ATP8B4: variants seen among roughly 807,000 people sequenced by gnomAD.
ATP8B4 encodes the protein probable phospholipid-transporting ATPase IM.
In ATP8B4, 133 loss-of-function variants were observed where a neutral mutation model predicts 145.6. That is an observed-to-expected ratio of 0.91 (90% CI 0.79 to 1.05). The LOEUF (loss-of-function observed/expected upper bound fraction) is 1.05. ATP8B4 is among the 50% of genes least tolerant of loss of function. The pLI is 0.00. For missense variants in ATP8B4, 1,458 were observed against 1,425.2 expected (o/e 1.02, Z -0.37); for synonymous variants, 507 against 492.9 (o/e 1.03, Z -0.38).
chr15:50,054,886 T>C (rs2052489328), intron 3 of ATP8B4, among the ~76,000 whole-genome samples: 1 of 151,606 alleles, frequency 6.6e-6, no homozygotes, highest in Non-Finnish European at 1.5e-5. Context: ...CTTTGACTAT[T>C]TCCTCTCCCC....
chr15:49,921,594 C>G (rs1466204416), intron 17 of ATP8B4, among the ~76,000 whole-genome samples: 1 of 152,176 alleles, frequency 6.6e-6, no homozygotes, highest in Admixed American at 6.5e-5. Context: ...ATTTTTATGG[C>G]CATTTCTGCT....
At chr15:50,151,148 G>C (rs868313237) in intron 1 of ATP8B4, among the ~76,000 whole-genome samples, 2 of 152,236 alleles carry the variant, frequency 1.3e-5, no homozygotes, top group African/African-American at 4.8e-5. Context: ...GCAATTCCAT[G>C]AAAGAAAGTT....
intron 2 of ATP8B4, among the ~76,000 whole-genome samples, chr15:50,088,904 A>G (rs1445814736): frequency 6.6e-6 from 1 of 152,212 alleles, no homozygotes; most frequent in African/African-American, 2.4e-5. Context: ...TTTCTCAAAG[A>G]TCAGATGGTT....
intron 2 of ATP8B4, among the ~76,000 whole-genome samples, chr15:50,080,549 A>G (rs1461259567): frequency 6.6e-6 from 1 of 152,158 alleles, no homozygotes; most frequent in Non-Finnish European, 1.5e-5. Flanking sequence ...TCAGATCACT[A>G]AGAAACAAGT....
intron 9 of ATP8B4, among the ~76,000 whole-genome samples, chr15:49,995,319 A>G (rs931634497): frequency 6.6e-6 from 1 of 152,196 alleles, no homozygotes; most frequent in African/African-American, 2.4e-5. Flanking sequence ...TGAATATTCA[A>G]TGAGGTATTT....
At chr15:49,927,506 C>A (rs111662728) in intron 16 of ATP8B4, among the ~76,000 whole-genome samples, 2 of 152,166 alleles carry the variant, frequency 1.3e-5, no homozygotes, top group African/African-American at 4.8e-5. Context: ...TGATTAAAAA[C>A]CAAGCAGAAT....
intron 1 of ATP8B4, among the ~76,000 whole-genome samples, chr15:50,135,211 T>C (rs1959038561): frequency 6.6e-6 from 1 of 152,230 alleles, no homozygotes; most frequent in Admixed American, 6.5e-5. Flanking sequence ...ACATCATTCA[T>C]CTCTAAACTT....
intron 1 of ATP8B4, among the ~76,000 whole-genome samples, chr15:50,115,381 G>A (rs78877993): frequency 0.018 from 2,736 of 151,964 alleles, 84 homozygotes; most frequent in African/African-American, 0.063. Context: ...GATGAGTGCA[G>A]GGCTATGGTA....
chr15:50,087,301 C>A (rs1316914662), intron 2 of ATP8B4, among the ~76,000 whole-genome samples: 5 of 117,482 alleles, frequency 4.3e-5, no homozygotes, highest in Non-Finnish European at 6.5e-5. Flanking sequence ...AGATCTATAT[C>A]TATTATATAT....
chr15:50,099,643 A>G (rs947715073), intron 2 of ATP8B4, among the ~76,000 whole-genome samples: 1 of 152,248 alleles, frequency 6.6e-6, no homozygotes, highest in African/African-American at 2.4e-5. Context: ...GAAAGAGTGA[A>G]TTTCAAAGAA....
At chr15:49,990,150 A>C (rs1310992618) in intron 9 of ATP8B4, among the ~76,000 whole-genome samples, 2 of 152,090 alleles carry the variant, frequency 1.3e-5, no homozygotes, top group Non-Finnish European at 2.9e-5. Context: ...GAGAGTACTG[A>C]AAAAAGGTGA....
chr15:49,940,420 G>A (rs1437077431), intron 14 of ATP8B4, among the ~76,000 whole-genome samples: 1 of 152,102 alleles, frequency 6.6e-6, no homozygotes, highest in Non-Finnish European at 1.5e-5. Flanking sequence ...AGTGGGGTAA[G>A]GGTTGAAGAA....
chr15:50,112,406 T>C (rs1021348543), intron 1 of ATP8B4, among the ~76,000 whole-genome samples: 1 of 152,032 alleles, frequency 6.6e-6, no homozygotes, highest in Non-Finnish European at 1.5e-5. Context: ...TGCTCTCCAG[T>C]TCTCTGAAGA....
chr15:50,002,213 A>G lies in ATP8B4; in HGVS notation c.446T>C (p.Leu149Pro). 1 of 1,609,994 alleles carries G rather than the reference A, an allele frequency of 6.2e-7. No homozygotes were observed. Among genetic ancestry groups the G allele is most frequent in the Non-Finnish European group, 8.5e-7 (1 of 1,177,112 alleles). Reference protein sequence around the residue: ...ENNQFVAADLLLLSSSEPHGL... With the variant: ...ENNQFVAADLPLLSSSEPHGL... The stretch of plus-strand genomic sequence containing the variant: ...ATGTGGCTCACTACTTGATAGGAGA[A>G]GTAAATCAGCCTATTTTCAAAAATC... Residue 149 changes from leucine to proline, a missense_variant, in exon 8 of 28, where the codon CTT (leucine) becomes CCT (proline). Coordinates refer to ENST00000284509, the MANE Select transcript of ATP8B4 (RefSeq NM_024837.4).
intron 3 of ATP8B4, among the ~76,000 whole-genome samples, chr15:50,069,650 T>C (rs2053598153): frequency 6.6e-6 from 1 of 152,158 alleles, no homozygotes; most frequent in Non-Finnish European, 1.5e-5. Context: ...AAAGGCAAAG[T>C]GATTAGGGTT....
At chr15:50,163,546 G>A (rs984255272) in intron 1 of ATP8B4, among the ~76,000 whole-genome samples, 1 of 152,204 alleles carries the variant, frequency 6.6e-6, no homozygotes, top group Non-Finnish European at 1.5e-5. Context: ...GCACCCCAGT[G>A]GCCACCACCA....
intron 9 of ATP8B4, among the ~76,000 whole-genome samples, chr15:49,992,935 AG>A (rs2047149629): frequency 6.6e-6 from 1 of 152,158 alleles, no homozygotes; most frequent in South Asian, 2.1e-4. Flanking sequence ...TTTAAACTAA[AG>A]GATGCAATAT....
chr15:49,914,811 T>TAATA (rs1315353123), intron 20 of ATP8B4, among the ~76,000 whole-genome samples: 1 of 152,046 alleles, frequency 6.6e-6, no homozygotes, highest in Non-Finnish European at 1.5e-5. Flanking sequence ...ATAAATAAAT[T>TAATA]AATAAATAAC....
intron 13 of ATP8B4, among the ~76,000 whole-genome samples, chr15:49,963,199 G>A (rs914563502): frequency 3.9e-5 from 6 of 152,142 alleles, no homozygotes; most frequent in African/African-American, 1.4e-4. Flanking sequence ...GTAGAGAAAT[G>A]CAAATCAAAA....
Sources: allele counts gnomAD v4.1 joint callset (sites outside exome capture counted in the v4.1 genomes callset), GRCh38; gene constraint gnomAD v4.1.1; transcripts MANE v1.5; gene names NCBI Gene and HGNC (gene_info 2026-07-23, HGNC 2026-07-21).